Variants in TTC38 observed in about 807,000 individuals in gnomAD.
The protein encoded by TTC38 is tetratricopeptide repeat domain 38.
Under a neutral mutation model 64.2 loss-of-function variants are expected in TTC38, and 64 were observed. That is an observed-to-expected ratio of 1.00 (90% CI 0.81 to 1.23). The LOEUF is 1.23. Among genes scored for constraint, TTC38 ranks in the 50% most tolerant of loss-of-function variants. TTC38 has a pLI of 0.00. For missense variants in TTC38, 573 were observed against 615.5 expected (o/e 0.93, Z 0.73); for synonymous variants, 254 against 249.3 (o/e 1.02, Z -0.18).
At chr22:46,279,875 C>T (rs1199179361) in intron 6 of TTC38, among the ~76,000 whole-genome samples, 1 of 152,080 alleles carries the variant, frequency 6.6e-6, no homozygotes, top group Non-Finnish European at 1.5e-5. Context: ...CATCTGGGCA[C>T]CTGAGAGCTC....
chr22:46,280,800 G>A (rs915401099), intron 6 of TTC38, among the ~76,000 whole-genome samples: 11 of 152,264 alleles, frequency 7.2e-5, no homozygotes, highest in Non-Finnish European at 1.3e-4. Context: ...CTGAGGCAGT[G>A]GGGCTGGCGG....
At position 46,273,641 on chromosome 22, in the gene TTC38, G is replaced by A. The variant is rs1473604817; in HGVS notation, c.194-257G>A. Among the ~76,000 whole-genome samples, 1 of 152,230 alleles carries A rather than the reference G, an allele frequency of 6.6e-6. No homozygotes were observed. Among genetic ancestry groups the A allele is most frequent in the African/African-American group, 2.4e-5 (1 of 41,462 alleles). Reference sequence around the variant, plus strand: ...GGCTCATCCATTGAAGGGGGAAGGTGCTTTAGACACTGGCACTCAGCAGAA... The same window carrying A: ...GGCTCATCCATTGAAGGGGGAAGGTACTTTAGACACTGGCACTCAGCAGAA... On this transcript the variant is annotated intron_variant, in intron 3 of 13. Transcript: ENST00000381031. This position sits in a 1 kb window ranked among gnomAD's most constrained non-coding sequence, Gnocchi z 5.1.
intron 9 of TTC38, 89 bp from the exon 10 acceptor site, chr22:46,286,984 C>A: frequency 9.6e-7 from 1 of 1,044,368 alleles, no homozygotes; most frequent in South Asian, 1.5e-5. Flanking sequence ...GCAGGCCCCA[C>A]CCCACCTGGA....
In TTC38 at chr22:46,282,209, C is replaced by T. The variant is rs2077540212; in HGVS notation, c.735+491C>T. On this transcript the variant is annotated intron_variant, in intron 7 of 13. Coordinates refer to ENST00000381031, the MANE Select transcript of TTC38 (RefSeq NM_017931.4). This position sits in a 1 kb window ranked among gnomAD's most constrained non-coding sequence, Gnocchi z 4.4. ...CATCCTAGCCCGTCACTAGCTTGAG[C>T]AAGGCCTCCAAGGCCTACAGTGGCC... 4 of 326,786 alleles carry T rather than the reference C, an allele frequency of 1.2e-5. No homozygotes were observed. The highest frequency in any genetic ancestry group is 1.8e-5 in the Non-Finnish European group (3 of 163,100). 20.2% of individuals were successfully genotyped at this position (326,786 alleles called of 1,614,324 possible). A position where few individuals can be genotyped will look rare whatever the true frequency, so the allele number is the denominator to read the frequency against.
In TTC38 at chr22:46,275,519, G is replaced by A. The variant is rs1486592825; in HGVS notation, c.539+98G>A. On this transcript the variant is annotated intron_variant, in intron 5 of 13. Transcript: ENST00000381031. The surrounding 1 kb of genome is among the most constrained non-coding windows in gnomAD (Gnocchi z 4.5). ...CTCTTGGCCCTGTCCTAAAAATAAT[G>A]GGACCACTGTTGCTATTCTCCTAGT... 1.6e-6 allele frequency: 2 copies of A among 1,226,570 alleles called. No homozygotes were observed. Among genetic ancestry groups the A allele is most frequent in the South Asian group, 1.5e-5 (1 of 67,452 alleles). 76.0% of individuals were successfully genotyped at this position (1,226,570 alleles called of 1,614,324 possible).
chr22:46,291,591 A>G lies in TTC38; in HGVS notation c.1317-1200A>G, dbSNP rs1374059155. On this transcript the variant is annotated intron_variant, in intron 13 of 13. Coordinates refer to ENST00000381031, the MANE Select transcript of TTC38 (RefSeq NM_017931.4). The surrounding 1 kb of genome is among the most constrained non-coding windows in gnomAD (Gnocchi z 4.6). ...CGGCCCCAGCCCCTTCACACCACCC[A>G]CGCCCTCTAGAACCACTGTTTTCAG... Among the ~76,000 whole-genome samples the G allele has an allele frequency of 6.6e-6, 1 of 152,072 alleles. No individual in the cohort carries two copies. The highest frequency in any genetic ancestry group is 1.5e-5 in the Non-Finnish European group (1 of 68,008).
chr22:46,274,283 C>T lies in TTC38; in HGVS notation c.365+214C>T, dbSNP rs1426289614. Among the ~76,000 whole-genome samples the T allele has an allele frequency of 6.6e-6, 1 of 152,172 alleles. No individual in the cohort carries two copies. The highest frequency in any genetic ancestry group is 1.5e-5 in the Non-Finnish European group (1 of 68,046). On this transcript the variant is annotated intron_variant, in intron 4 of 13. Coordinates refer to ENST00000381031, the MANE Select transcript of TTC38 (RefSeq NM_017931.4). This position sits in a 1 kb window ranked among gnomAD's most constrained non-coding sequence, Gnocchi z 4.8. ...GGAAGCAGTTGGTGAAGATTCCCAA[C>T]TTAGTGTCCAAAGTAACTTGCTTTG... is the stretch of plus-strand genomic sequence containing the variant.
intron 1 of TTC38, 46 bp downstream of exon 1, chr22:46,268,118 C>T (rs1441382268): frequency 1.3e-6 from 2 of 1,522,106 alleles, no homozygotes; most frequent in Non-Finnish European, 1.8e-6. Flanking sequence ...GGCCCCGGGT[C>T]CTGGGGGTGG....
At position 46,281,960 on chromosome 22, in the gene TTC38, T is replaced by C; in HGVS notation, c.735+242T>C. The stretch of plus-strand genomic sequence containing the variant: ...ACTGAGGGTCCAGCCCAGACTTCTC[T>C]GTCCTTACAGGGCCTGGTCAGGAGG... On this transcript the variant is annotated intron_variant, in intron 7 of 13. Transcript: ENST00000381031. The surrounding 1 kb of genome is among the most constrained non-coding windows in gnomAD (Gnocchi z 5.2). The C allele has an allele frequency of 1.5e-6, 1 of 650,540 alleles. No individual in the cohort carries two copies. Among genetic ancestry groups the C allele is most frequent in the Non-Finnish European group, 2.9e-6 (1 of 344,482 alleles). The allele number at this position is 650,540 out of a possible 1,614,324, so 40.3% of individuals were successfully genotyped here.
chr22:46,289,757 G>T (rs1262705662), intron 12 of TTC38, 69 bp from the exon 13 acceptor site: 1 of 1,555,338 alleles, frequency 6.4e-7, no homozygotes, highest in Non-Finnish European at 8.9e-7. Context: ...CAGGCAGCCC[G>T]CGGTGGGCGG....
In TTC38 at chr22:46,268,020, G is replaced by A. The variant is rs572681723; in HGVS notation, c.-20G>A. 56 of 1,531,302 alleles carry A rather than the reference G, an allele frequency of 3.7e-5. No homozygotes were observed. The African/African-American group carries it at 6.8e-4, about 19-fold the overall frequency. 94.9% of individuals were successfully genotyped at this position (1,531,302 alleles called of 1,614,324 possible). A position where few individuals can be genotyped will look rare whatever the true frequency, so the allele number is the denominator to read the frequency against. ...GGCCCGGGTGCCCAGAGCTCGCGGT[G>A]GACTCCGACCCGGCGCAACATGGCC... On this transcript the variant is annotated 5_prime_UTR_variant, in exon 1 of 14. Transcript: ENST00000381031.
chr22:46,281,531 C>A lies in TTC38; in HGVS notation c.616-68C>A. The A allele has an allele frequency of 1.3e-6, 2 of 1,592,720 alleles. No individual in the cohort carries two copies. Among genetic ancestry groups the A allele is most frequent in the Non-Finnish European group, 1.7e-6 (2 of 1,166,860 alleles). ...GCCCCTCTTGCCCCTTAGAGACCTG[C>A]CGTCGCCTGCCCCGGCAGCCTGACT... On this transcript the variant is annotated intron_variant, in intron 6 of 13. Transcript: ENST00000381031. The surrounding 1 kb of genome is among the most constrained non-coding windows in gnomAD (Gnocchi z 5.2).
At chr22:46,268,106 C>G in intron 1 of TTC38, 34 bp downstream of exon 1, 1 of 1,529,334 alleles carries the variant, frequency 6.5e-7, no homozygotes, top group Non-Finnish European at 8.7e-7. Flanking sequence ...AGGTCCCCCT[C>G]GGGCCCCGGG....
At chr22:46,283,851 CAAAAAAAAA>C (rs58477670) in intron 7 of TTC38, 113 bp from the exon 8 acceptor site, 6 of 210,776 alleles carry the variant, frequency 2.8e-5, no homozygotes, top group South Asian at 3.5e-5. Context: ...GACTTAGTCT[CAAAAAAAAA>C]AAAAAAAAAA....
rs1397485746 is a variant in TTC38, at chr22:46,272,757, C to G, written c.193+341C>G. ...AAGCCACCCAGCTGGTGGTTGACCC[C>G]TGGGATTAGATAAAGCTTCCTGAAT... On this transcript the variant is annotated intron_variant, in intron 3 of 13. Coordinates refer to ENST00000381031, the MANE Select transcript of TTC38 (RefSeq NM_017931.4). The surrounding 1 kb of genome is among the most constrained non-coding windows in gnomAD (Gnocchi z 6.4). Among the ~76,000 whole-genome samples the G allele has an allele frequency of 2.6e-5, 4 of 152,164 alleles. No individual in the cohort carries two copies. Among genetic ancestry groups the G allele is most frequent in the Admixed American group, 2.6e-4 (4 of 15,280 alleles).
At position 46,276,729 on chromosome 22, in the gene TTC38, TTAAA is replaced by T. The variant is rs1426216101; in HGVS notation, c.539+1309_539+1312del. On this transcript the variant is annotated intron_variant, in intron 5 of 13. Coordinates refer to ENST00000381031, the MANE Select transcript of TTC38 (RefSeq NM_017931.4). The surrounding 1 kb of genome is among the most constrained non-coding windows in gnomAD (Gnocchi z 4.7). Reference sequence around the variant, plus strand: ...AATATATATATTAAAAATATATATATTAAAAAAATATATATAAAATACATATATT... The same window carrying T: ...AATATATATATTAAAAATATATATATAAAATATATATAAAATACATATATT... 5.7e-5 allele frequency among the ~76,000 whole-genome samples: 8 copies of T among 139,560 alleles called. No individual in the cohort carries two copies. Among genetic ancestry groups the T allele is most frequent in the African/African-American group, 2.2e-4 (8 of 36,036 alleles). The allele number at this position is 139,560 out of a possible 152,430, so 91.6% of individuals were successfully genotyped here.
Position 46,291,506 on chromosome 22 carries a change from C to G in TTC38, c.1317-1285C>G, listed in dbSNP as rs952913308. Among the ~76,000 whole-genome samples, 2 of 152,206 alleles carry G rather than the reference C, an allele frequency of 1.3e-5. No homozygotes were observed. Among genetic ancestry groups the G allele is most frequent in the African/African-American group, 2.4e-5 (1 of 41,440 alleles). On this transcript the variant is annotated intron_variant, in intron 13 of 13. Coordinates refer to ENST00000381031, the MANE Select transcript of TTC38 (RefSeq NM_017931.4). This position sits in a 1 kb window ranked among gnomAD's most constrained non-coding sequence, Gnocchi z 4.6. ...TCCATGGGGCCATCAGCACAGCTCA[C>G]CAGCCCCCAAGGTGGGAAACCTTCC...
In TTC38 at chr22:46,288,974, C is replaced by T. The variant is rs201514701; in HGVS notation, c.1082+386C>T. ...GCTTCTGTGCTCTGAACCTCAGTTTCCCCATCTAAATCAGGGCGATGCCTG... is the reference window on the plus strand; with the variant it reads ...GCTTCTGTGCTCTGAACCTCAGTTTTCCCATCTAAATCAGGGCGATGCCTG... On this transcript the variant is annotated intron_variant, in intron 11 of 13. Transcript: ENST00000381031. Among the ~76,000 whole-genome samples, 16 of 152,326 alleles carry T rather than the reference C, an allele frequency of 1.1e-4. No homozygotes were observed. In the East Asian group the frequency reaches 3.1e-3, roughly 29 times the overall value.
chr22:46,292,652 G>GC lies in TTC38; in HGVS notation c.1317-135dup. ...TCCCCAAACTGAGGCCAGGCCTCCT[G>GC]CCCCTGGGCCTTGGCCCTTGCTGTT... On this transcript the variant is annotated intron_variant, in intron 13 of 13. Transcript: ENST00000381031. The surrounding 1 kb of genome is among the most constrained non-coding windows in gnomAD (Gnocchi z 6.5). 1 of 740,546 alleles carries GC rather than the reference G, an allele frequency of 1.4e-6. No individual in the cohort carries two copies. The highest frequency in any genetic ancestry group is 2.3e-6 in the Non-Finnish European group (1 of 433,412). 45.9% of individuals were successfully genotyped at this position (740,546 alleles called of 1,614,324 possible). A position where few individuals can be genotyped will look rare whatever the true frequency, so the allele number is the denominator to read the frequency against.
Sources: allele counts gnomAD v4.1 joint callset (sites outside exome capture counted in the v4.1 genomes callset), GRCh38; gene constraint gnomAD v4.1.1; non-coding constraint Gnocchi (gnomAD v3.1); transcripts MANE v1.5; gene names NCBI Gene and HGNC (gene_info 2026-07-23, HGNC 2026-07-21).